Variants in AJAP1 observed in about 807,000 individuals in gnomAD.
AJAP1 encodes the protein adherens junctions associated protein 1, also known as adherens junction-associated protein 1.
Under a neutral mutation model 35.0 loss-of-function variants are expected in AJAP1, and 5 were observed. The observed-to-expected ratio is 0.14, with a 90% CI of 0.07 to 0.30. The LOEUF is 0.30. Ranked by LOEUF, AJAP1 falls within the 10% of genes least tolerant of loss-of-function variation. The probability of loss-of-function intolerance (pLI) is 1.00; values close to 1 mark genes in which losing one functional copy is unlikely to be tolerated. For synonymous variants in AJAP1, 284 were observed against 249.3 expected (o/e 1.14, Z -1.31); for missense variants, 586 against 571.0 (o/e 1.03, Z -0.27).
rs573030089 is a variant in AJAP1 at position 4,686,954 on chromosome 1, C to T, written c.30-24946C>T. On this transcript the variant is annotated intron_variant, in intron 1 of 5. Transcript: ENST00000378191. ...GAGGGGTCAGAGCTGATGGAGTGCC[C>T]GTGAGGTTGGGCTGCCCACTTCCTG... Among the ~76,000 whole-genome samples the T allele has an allele frequency of 3.9e-5, 6 of 152,256 alleles. No homozygotes were observed. In the South Asian group the frequency reaches 1.2e-3, roughly 32 times the overall value.
intron 2 of AJAP1, among the ~76,000 whole-genome samples, chr1:4,738,866 G>C (rs530588063): frequency 6.6e-6 from 1 of 152,182 alleles, no homozygotes; most frequent in African/African-American, 2.4e-5. Flanking sequence ...GGCCCCATAG[G>C]AGCAGGAGAA....
intron 1 of AJAP1, among the ~76,000 whole-genome samples, chr1:4,710,019 G>A (rs1213934065): frequency 6.6e-6 from 1 of 152,048 alleles, no homozygotes; most frequent in Non-Finnish European, 1.5e-5. Context: ...TTCACACACA[G>A]CTACAACTAA....
At chr1:4,751,506 T>C (rs1019388802) in intron 2 of AJAP1, among the ~76,000 whole-genome samples, 9 of 152,188 alleles carry the variant, frequency 5.9e-5, no homozygotes, top group African/African-American at 2.2e-4. Flanking sequence ...GTTCAATCAG[T>C]CATTCATTTG....
chr1:4,710,152 A>G (rs1640195538), intron 1 of AJAP1, among the ~76,000 whole-genome samples: 1 of 126,584 alleles, frequency 7.9e-6, no homozygotes, highest in African/African-American at 3.0e-5. Flanking sequence ...AAATACACAC[A>G]CAGATACTCT....
rs1166386445 is a variant in AJAP1, at chr1:4,723,328, C to T, written c.829+10629C>T. On this transcript the variant is annotated intron_variant, in intron 2 of 5. Coordinates refer to ENST00000378191, the MANE Select transcript of AJAP1 (RefSeq NM_018836.4). This position sits in a 1 kb window ranked among gnomAD's most constrained non-coding sequence, Gnocchi z 4.3. ...GATACTCCTTGGATTCCTGAGTCTG[C>T]CACTCGGGGGCTGGTGCAGCCCGGA... is the stretch of plus-strand genomic sequence containing the variant. Among the ~76,000 whole-genome samples the T allele has an allele frequency of 6.6e-6, 1 of 152,170 alleles. No homozygotes were observed.
intron 2 of AJAP1, among the ~76,000 whole-genome samples, chr1:4,761,778 A>G (rs539906893): frequency 1.0e-3 from 152 of 152,342 alleles, no homozygotes; most frequent in African/African-American, 3.2e-3. Flanking sequence ...AGCATCCAAC[A>G]TGGGAGAAAG....
chr1:4,739,578 G>C (rs1641009757), intron 2 of AJAP1, among the ~76,000 whole-genome samples: 1 of 152,198 alleles, frequency 6.6e-6, no homozygotes, highest in African/African-American at 2.4e-5. Context: ...TCTTTTCTTA[G>C]TCATCTTGGC....
intron 2 of AJAP1, among the ~76,000 whole-genome samples, chr1:4,714,909 C>A (rs1185253965): frequency 2.0e-5 from 3 of 152,108 alleles, no homozygotes; most frequent in African/African-American, 7.2e-5. Flanking sequence ...ATGAATTAGA[C>A]CAGAGCAGGA....
At chr1:4,677,305 C>T (rs890725738) in intron 1 of AJAP1, among the ~76,000 whole-genome samples, 1 of 152,166 alleles carries the variant, frequency 6.6e-6, no homozygotes, top group African/African-American at 2.4e-5. Context: ...GGGTGGGCTG[C>T]AGTTGCCTGC....
intron 1 of AJAP1, among the ~76,000 whole-genome samples, chr1:4,677,873 AG>A (rs1470478726): frequency 1.3e-5 from 2 of 152,188 alleles, no homozygotes; most frequent in Non-Finnish European, 2.9e-5. Context: ...TATTGCTTCC[AG>A]TTGGAATGCC....
chr1:4,678,167 A>G (rs2100524684), intron 1 of AJAP1, among the ~76,000 whole-genome samples: 1 of 152,354 alleles, frequency 6.6e-6, no homozygotes, highest in South Asian at 2.1e-4. Context: ...CCTGAAATTC[A>G]TAGCATTCCT....
rs991039806 is a variant in AJAP1, at chr1:4,792,215, G to A, written c.*9730G>A. On this transcript the variant is annotated 3_prime_UTR_variant, in exon 6 of 6. Coordinates refer to ENST00000378191, the MANE Select transcript of AJAP1 (RefSeq NM_018836.4). ...CTATACCACAGCTGTCTCTATAGAC[G>A]TATTTATATATCATCTTCTTGAGAG... 6.6e-6 allele frequency: 1 copy of A among 151,786 alleles called. No individual in the cohort carries two copies. Among genetic ancestry groups the A allele is most frequent in the South Asian group, 2.1e-4 (1 of 4,786 alleles). 9.4% of individuals were successfully genotyped at this position (151,786 alleles called of 1,614,324 possible).
rs1236064343 is a variant in AJAP1 at position 4,656,209 on chromosome 1, G to A, written c.29+755G>A. Among the ~76,000 whole-genome samples, 3 of 152,160 alleles carry A rather than the reference G, an allele frequency of 2.0e-5. No individual in the cohort carries two copies. The highest frequency in any genetic ancestry group is 4.4e-5 in the Non-Finnish European group (3 of 68,022). On this transcript the variant is annotated intron_variant, in intron 1 of 5. Coordinates refer to ENST00000378191, the MANE Select transcript of AJAP1 (RefSeq NM_018836.4). This position sits in a 1 kb window ranked among gnomAD's most constrained non-coding sequence, Gnocchi z 5.7. The stretch of plus-strand genomic sequence containing the variant: ...GGGTTCGAGCCTAGAGCCCGTGGTG[G>A]GGGTGTCCAGAAAGACCCTTCTCGG...
chr1:4,686,981 C>T (rs1639620977), intron 1 of AJAP1, among the ~76,000 whole-genome samples: 1 of 152,178 alleles, frequency 6.6e-6, no homozygotes, highest in Non-Finnish European at 1.5e-5. Context: ...CACTTCCTGC[C>T]CAAGTTGACC....
At chr1:4,707,674 G>A (rs141794336) in intron 1 of AJAP1, among the ~76,000 whole-genome samples, 424 of 152,206 alleles carry the variant, frequency 2.8e-3, no homozygotes, top group African/African-American at 8.6e-3. Context: ...TGACGGGCAC[G>A]TGAGCTGAGT....
intron 2 of AJAP1, among the ~76,000 whole-genome samples, chr1:4,737,147 C>T: frequency 6.6e-6 from 1 of 152,144 alleles, no homozygotes; most frequent in Non-Finnish European, 1.5e-5. Flanking sequence ...CGTCCTTTCC[C>T]TGCCTGCAGT....
At chr1:4,674,491 G>A (rs1263107124) in intron 1 of AJAP1, among the ~76,000 whole-genome samples, 1 of 152,212 alleles carries the variant, frequency 6.6e-6, no homozygotes, top group Non-Finnish European at 1.5e-5. Context: ...TTTTCTGTCT[G>A]GGCCTTTTCA....
intron 2 of AJAP1, among the ~76,000 whole-genome samples, chr1:4,733,231 A>G (rs1640841093): frequency 6.6e-6 from 1 of 151,660 alleles, no homozygotes; most frequent in African/African-American, 2.4e-5. Flanking sequence ...TTAAAATGCA[A>G]TGCCGCCTTC....
At chr1:4,740,725 A>G (rs1156883415) in intron 2 of AJAP1, among the ~76,000 whole-genome samples, 3 of 139,368 alleles carry the variant, frequency 2.2e-5, no homozygotes, top group Non-Finnish European at 4.6e-5. Context: ...GGAGGAGCTT[A>G]CAGTGAGCCG....
Sources: allele counts gnomAD v4.1 joint callset (sites outside exome capture counted in the v4.1 genomes callset), GRCh38; gene constraint gnomAD v4.1.1; non-coding constraint Gnocchi (gnomAD v3.1); transcripts MANE v1.5; gene names NCBI Gene and HGNC (gene_info 2026-07-23, HGNC 2026-07-21).